RPGRIP1L: variants seen among roughly 807,000 people sequenced by gnomAD.
RPGRIP1L encodes the protein RPGRIP1 like.
Under a neutral mutation model 160.4 loss-of-function variants are expected in RPGRIP1L, and 131 were observed. The observed-to-expected ratio is 0.82, with a 90% CI of 0.71 to 0.94. The LOEUF is 0.94. Among genes scored for constraint, RPGRIP1L ranks in the 40% least tolerant of loss-of-function variants. RPGRIP1L has a pLI of 0.00. For synonymous variants in RPGRIP1L, 510 were observed against 515.8 expected (o/e 0.99, Z 0.15); for missense variants, 1,522 against 1,535.8 (o/e 0.99, Z 0.15).
At chr16:53,676,292 A>T (rs1056775739) in intron 6 of RPGRIP1L, among the ~76,000 whole-genome samples, 14 of 152,158 alleles carry the variant, frequency 9.2e-5, no homozygotes, top group African/African-American at 3.4e-4. Flanking sequence ...ATGTTAAAAT[A>T]ATTATATGTC....
At chr16:53,625,424 G>T (rs192428603) in intron 22 of RPGRIP1L, among the ~76,000 whole-genome samples, 1 of 146,854 alleles carries the variant, frequency 6.8e-6, no homozygotes, top group Non-Finnish European at 1.5e-5. Context: ...CGCCCCGTCT[G>T]GGGGGTGGGG....
intron 14 of RPGRIP1L, chr16:53,655,565 G>A (rs1232276357): frequency 6.6e-6 from 1 of 152,128 alleles, no homozygotes; most frequent in Non-Finnish European, 1.5e-5. Context: ...TCCAACAGCT[G>A]AAGAACACTT....
chr16:53,676,230 A>T (rs1969150446), intron 6 of RPGRIP1L, among the ~76,000 whole-genome samples: 1 of 152,166 alleles, frequency 6.6e-6, no homozygotes, highest in South Asian at 2.1e-4. Context: ...CTCACACAGA[A>T]GATAAACAAA....
chr16:53,625,028 G>A (rs1964997397), intron 22 of RPGRIP1L, among the ~76,000 whole-genome samples: 1 of 152,112 alleles, frequency 6.6e-6, no homozygotes, highest in Admixed American at 6.5e-5. Context: ...GGCCTCCCCA[G>A]GTGCCGGGAT....
At chr16:53,625,597 G>A (rs1965088979) in intron 22 of RPGRIP1L, among the ~76,000 whole-genome samples, 1 of 152,184 alleles carries the variant, frequency 6.6e-6, no homozygotes, top group Middle Eastern at 3.4e-3. Context: ...CCATGTCTGG[G>A]AAGTGAGGAG....
chr16:53,695,294 C>T (rs1462673379), intron 3 of RPGRIP1L: 2 of 694,894 alleles, frequency 2.9e-6, no homozygotes, highest in Non-Finnish European at 5.2e-6. Context: ...CAGCCATCAT[C>T]ATGACTAAAA....
chr16:53,637,480 C>G (rs1297183658), intron 21 of RPGRIP1L, among the ~76,000 whole-genome samples: 1 of 152,144 alleles, frequency 6.6e-6, no homozygotes, highest in African/African-American at 2.4e-5. Context: ...CACTTGTATT[C>G]TATTGTGGAG....
chr16:53,695,942 T>A (rs573106729), intron 3 of RPGRIP1L: 2 of 513,244 alleles, frequency 3.9e-6, no homozygotes, highest in Non-Finnish European at 3.5e-6. Context: ...TTCATTTAAA[T>A]AGCAAATTCA....
chr16:53,702,687 CTTTT>C (rs576871805), intron 1 of RPGRIP1L, among the ~76,000 whole-genome samples: 1 of 141,648 alleles, frequency 7.1e-6, no homozygotes, highest in Non-Finnish European at 1.5e-5. Context: ...CTTTTCTTTT[CTTTT>C]TTTTTTTTTT....
At position 53,686,473 on chromosome 16, in the gene RPGRIP1L, A is replaced by G; in HGVS notation, c.736T>C (p.Ser246Pro). The G allele has an allele frequency of 6.2e-7, 1 of 1,613,636 alleles. No individual in the cohort carries two copies. The highest frequency in any genetic ancestry group is 8.5e-7 in the Non-Finnish European group (1 of 1,179,778). Residue 246 changes from serine (S) to proline (P), a missense_variant, in exon 6 of 27, where the codon TCT (serine) becomes CCT (proline). Coordinates refer to ENST00000647211, the MANE Select transcript of RPGRIP1L (RefSeq NM_015272.5). Reference protein sequence around the residue: ...LRRKENEIELSLLQLREQQAT... With the variant: ...LRRKENEIELPLLQLREQQAT... Reference sequence around the variant, plus strand: ...TGCTGTTCTCGAAGCTGAAGAAGAGATAACTCAATTTCATTTTCTTTTCTC... The same window carrying G: ...TGCTGTTCTCGAAGCTGAAGAAGAGGTAACTCAATTTCATTTTCTTTTCTC...
At position 53,696,270 on chromosome 16, in the gene RPGRIP1L, C is replaced by A. The variant is rs774172381; in HGVS notation, c.111G>T (p.Lys37Asn). Residue 37 changes from lysine (K) to asparagine (N), a missense_variant, in exon 3 of 27, where the codon AAG (lysine) becomes AAT (asparagine). By Grantham distance (94) the Lys-to-Asn change is moderately conservative (BLOSUM62 0). Transcript: ENST00000647211. ...LQETSTTRTM[K>N]SRQAVSRVSR... Reference sequence around the variant, plus strand: ...TGACACGTGACACTGCCTGGCGAGACTTCATTGTCCGTGTTGTTGAAGTTT... The same window carrying A: ...TGACACGTGACACTGCCTGGCGAGAATTCATTGTCCGTGTTGTTGAAGTTT... 2 of 1,614,010 alleles carry A rather than the reference C, an allele frequency of 1.2e-6. No homozygotes were observed. Among genetic ancestry groups the A allele is most frequent in the Admixed American group, 3.3e-5 (2 of 60,016 alleles).
chr16:53,662,261 T>A (rs748262282), intron 10 of RPGRIP1L, among the ~76,000 whole-genome samples: 2 of 152,308 alleles, frequency 1.3e-5, no homozygotes, highest in African/African-American at 4.8e-5. Flanking sequence ...TATAACCATA[T>A]GCATTATGCT....
chr16:53,688,547 A>T (rs1457690752), intron 4 of RPGRIP1L, among the ~76,000 whole-genome samples: 1 of 152,100 alleles, frequency 6.6e-6, no homozygotes, highest in African/African-American at 2.4e-5. Flanking sequence ...AGAAATCTGT[A>T]GAATTTTACA....
chr16:53,622,934 G>C (rs1964834174), intron 22 of RPGRIP1L, among the ~76,000 whole-genome samples: 1 of 151,982 alleles, frequency 6.6e-6, no homozygotes, highest in African/African-American at 2.4e-5. Flanking sequence ...GAGAGGTTGG[G>C]GCTGTAGGGA....
chr16:53,642,457 C>CTA (rs2151065817), intron 17 of RPGRIP1L, among the ~76,000 whole-genome samples: 1 of 151,398 alleles, frequency 6.6e-6, no homozygotes, highest in African/African-American at 2.4e-5. Context: ...CTCCCAAACT[C>CTA]TAGACTTTGG....
At chr16:53,684,109 A>T (rs1969811931) in intron 6 of RPGRIP1L, among the ~76,000 whole-genome samples, 1 of 152,190 alleles carries the variant, frequency 6.6e-6, no homozygotes, top group Non-Finnish European at 1.5e-5. Flanking sequence ...GCTGGAGAGG[A>T]TGTGGAGAAA....
intron 2 of RPGRIP1L, among the ~76,000 whole-genome samples, chr16:53,698,255 C>T (rs1489535740): frequency 1.8e-4 from 28 of 151,514 alleles, no homozygotes; most frequent in South Asian, 2.1e-4. Context: ...GCAGCCGACC[C>T]GTCCGGGAGG....
At chr16:53,686,370 A>G in intron 6 of RPGRIP1L, 63 bp downstream of exon 6, 2 of 1,498,572 alleles carry the variant, frequency 1.3e-6, no homozygotes, top group Non-Finnish European at 9.2e-7. Flanking sequence ...CTTTTATGGC[A>G]CATGATAAAG....
At chr16:53,688,983 A>C (rs565187159) in intron 4 of RPGRIP1L, among the ~76,000 whole-genome samples, 123 of 151,754 alleles carry the variant, frequency 8.1e-4, no homozygotes, top group African/African-American at 2.9e-3. Context: ...ACCATGAAAA[A>C]ATTCAACATT....
Sources: gnomAD v4.1 joint callset for allele counts (sites outside exome capture counted in the v4.1 genomes callset) on GRCh38, gnomAD v4.1.1 for gene constraint, MANE v1.5 for transcripts, NCBI Gene and HGNC (gene_info 2026-07-23, HGNC 2026-07-21) for gene names.